The following EFNA5 variants were observed in gnomAD, a reference collection of about 807,000 sequenced individuals.
EFNA5 encodes the protein ephrin-A5.
Under a neutral mutation model 22.9 loss-of-function variants are expected in EFNA5, and 5 were observed. The observed-to-expected ratio is 0.22, with a 90% CI of 0.11 to 0.46. The LOEUF (loss-of-function observed/expected upper bound fraction) is 0.46, where lower values mean the gene tolerates loss of function less well. EFNA5 is among the 20% of genes least tolerant of loss of function. The pLI is 0.99. For synonymous variants in EFNA5, 113 were observed against 112.2 expected (o/e 1.01, Z -0.04); for missense variants, 237 against 293.3 (o/e 0.81, Z 1.40).
chr5:107,670,695 G>C lies in EFNA5; in HGVS notation c.-82C>G. The C allele has an allele frequency of 2.0e-6, 3 of 1,529,246 alleles. No homozygotes were observed. In the South Asian group the frequency reaches 3.7e-5, roughly 19 times the overall value. The allele number at this position is 1,529,246 out of a possible 1,614,324, so 94.7% of individuals were successfully genotyped here. ...CCGGAGGGAGGGAGGCAGGCAAAGGGACAGAGAGAGAGCGGGCGCCAAATA... is the reference window on the plus strand; with the variant it reads ...CCGGAGGGAGGGAGGCAGGCAAAGGCACAGAGAGAGAGCGGGCGCCAAATA... On this transcript the variant is annotated 5_prime_UTR_variant, in exon 1 of 5. Transcript: ENST00000333274.
intron 1 of EFNA5, among the ~76,000 whole-genome samples, chr5:107,661,673 CT>C (rs1434024198): frequency 6.6e-6 from 1 of 152,090 alleles, no homozygotes; most frequent in Non-Finnish European, 1.5e-5. Flanking sequence ...TTATTTTTTC[CT>C]TTTCCCCCCA....
chr5:107,592,422 G>A (rs1415411279), intron 1 of EFNA5, among the ~76,000 whole-genome samples: 3 of 151,864 alleles, frequency 2.0e-5, no homozygotes, highest in East Asian at 1.9e-4. Flanking sequence ...AAAGTGAAGC[G>A]AAATATCACA....
intron 1 of EFNA5, among the ~76,000 whole-genome samples, chr5:107,649,764 T>G (rs185611686): frequency 6.6e-6 from 1 of 152,332 alleles, no homozygotes; most frequent in African/African-American, 2.4e-5. Flanking sequence ...TAAAATTTAT[T>G]GACCACATAC....
At chr5:107,641,991 C>T (rs954284880) in intron 1 of EFNA5, among the ~76,000 whole-genome samples, 1 of 152,160 alleles carries the variant, frequency 6.6e-6, no homozygotes, top group Admixed American at 6.5e-5. Flanking sequence ...CAAAAAAGGG[C>T]AGTATCTAAA....
intron 1 of EFNA5, among the ~76,000 whole-genome samples, chr5:107,611,042 A>G (rs542430543): frequency 8.5e-5 from 13 of 152,320 alleles, no homozygotes; most frequent in Middle Eastern, 3.4e-3. Context: ...CCTATTCCCA[A>G]TGATATTCTG....
intron 1 of EFNA5, among the ~76,000 whole-genome samples, chr5:107,440,337 T>C (rs992671100): frequency 9.2e-5 from 14 of 152,178 alleles, no homozygotes; most frequent in African/African-American, 2.4e-5. Context: ...GAGAATATAG[T>C]TGTTTTTCTT....
chr5:107,467,436 G>T (rs1750017005), intron 1 of EFNA5, among the ~76,000 whole-genome samples: 1 of 152,160 alleles, frequency 6.6e-6, no homozygotes, highest in Non-Finnish European at 1.5e-5. Context: ...TGGATCTGAG[G>T]CTTGTTGGCT....
At chr5:107,494,972 T>C (rs1746934366) in intron 1 of EFNA5, among the ~76,000 whole-genome samples, 1 of 152,078 alleles carries the variant, frequency 6.6e-6, no homozygotes, top group South Asian at 2.1e-4. Flanking sequence ...GAAAAACCTT[T>C]GTGTCTAGCT....
chr5:107,384,945 T>C (rs549348105), intron 4 of EFNA5, among the ~76,000 whole-genome samples: 5 of 151,926 alleles, frequency 3.3e-5, no homozygotes, highest in South Asian at 4.2e-4. Flanking sequence ...ATTGTTTTCT[T>C]ATTGCCAGGA....
chr5:107,424,109 A>C (rs1033178025), intron 2 of EFNA5, among the ~76,000 whole-genome samples: 2 of 150,336 alleles, frequency 1.3e-5, no homozygotes, highest in African/African-American at 4.9e-5. Flanking sequence ...GAATTTTGGC[A>C]CTCCACAGTC....
At chr5:107,416,580 G>A (rs1413734152) in intron 2 of EFNA5, among the ~76,000 whole-genome samples, 1 of 152,180 alleles carries the variant, frequency 6.6e-6, no homozygotes, top group Admixed American at 6.5e-5. Context: ...TGCAATATAT[G>A]CTAAATCACT....
At chr5:107,382,443 G>A (rs1747494228) in intron 4 of EFNA5, among the ~76,000 whole-genome samples, 2 of 152,156 alleles carry the variant, frequency 1.3e-5, no homozygotes, top group Admixed American at 6.5e-5. Context: ...CCCAATCATA[G>A]CTCACTATAG....
intron 1 of EFNA5, among the ~76,000 whole-genome samples, chr5:107,514,300 T>C (rs1280454134): frequency 1.3e-5 from 2 of 152,192 alleles, no homozygotes; most frequent in Non-Finnish European, 2.9e-5. Flanking sequence ...GAGTATTCAC[T>C]TGGGAATTCA....
intron 1 of EFNA5, among the ~76,000 whole-genome samples, chr5:107,570,856 T>C (rs1748787272): frequency 6.6e-6 from 1 of 152,186 alleles, no homozygotes; most frequent in Non-Finnish European, 1.5e-5. Context: ...TACCACCAAG[T>C]TACTTCCAAG....
In EFNA5 at chr5:107,423,910, AG is replaced by A. The variant is rs3839267; in HGVS notation, c.418+3306del. Among the ~76,000 whole-genome samples the A allele has an allele frequency of 3.3e-5, 5 of 152,346 alleles. No homozygotes were observed. In the East Asian group the frequency reaches 9.6e-4, roughly 29 times the overall value. On this transcript the variant is annotated intron_variant, in intron 2 of 4. Coordinates refer to ENST00000333274, the MANE Select transcript of EFNA5 (RefSeq NM_001962.3). The stretch of plus-strand genomic sequence containing the variant: ...TTAAAGTAAATTGGAAACTTCATTT[AG>A]GATATTTTCAACTACCACATTTTCT...
At chr5:107,496,584 GAC>G (rs1746992019) in intron 1 of EFNA5, among the ~76,000 whole-genome samples, 1 of 152,190 alleles carries the variant, frequency 6.6e-6, no homozygotes, top group Non-Finnish European at 1.5e-5. Flanking sequence ...TGCTCTCACT[GAC>G]ACAGATTTGT....
chr5:107,665,075 C>T (rs1751039102), intron 1 of EFNA5, among the ~76,000 whole-genome samples: 2 of 152,140 alleles, frequency 1.3e-5, no homozygotes, highest in African/African-American at 2.4e-5. Flanking sequence ...AACATATTCT[C>T]ATATTTTGTT....
intron 1 of EFNA5, among the ~76,000 whole-genome samples, chr5:107,639,297 A>G (rs570899735): frequency 7.4e-4 from 112 of 152,366 alleles, no homozygotes; most frequent in Non-Finnish European, 1.2e-3. Flanking sequence ...AAGATGACAT[A>G]TACCTGCTTA....
intron 1 of EFNA5, among the ~76,000 whole-genome samples, chr5:107,549,108 G>A (rs183777497): frequency 6.6e-6 from 1 of 152,168 alleles, no homozygotes; most frequent in Admixed American, 6.5e-5. Context: ...TTCATTCAAA[G>A]TATGCCAAGA....
Sources: gnomAD v4.1 joint callset for allele counts (sites outside exome capture counted in the v4.1 genomes callset) on GRCh38, gnomAD v4.1.1 for gene constraint, MANE v1.5 for transcripts, NCBI Gene and HGNC (gene_info 2026-07-23, HGNC 2026-07-21) for gene names.